Variants in NCKAP1L observed in about 807,000 individuals in gnomAD.
NCKAP1L encodes the protein NCK associated protein 1 like, also known as nck-associated protein 1-like.
A neutral mutation model predicts 139.2 loss-of-function variants in NCKAP1L; 53 were observed. The observed-to-expected ratio is 0.38, with a 90% CI of 0.31 to 0.48. The LOEUF is 0.48. Ranked by LOEUF, NCKAP1L falls within the 20% of genes least tolerant of loss-of-function variation. The probability of loss-of-function intolerance (pLI) is 0.98; values close to 1 mark genes in which losing one functional copy is unlikely to be tolerated. For synonymous variants in NCKAP1L, 468 were observed against 499.7 expected (o/e 0.94, Z 0.85); for missense variants, 1,151 against 1,381.9 (o/e 0.83, Z 2.65).
chr12:54,535,315 G>A (rs1957106181), intron 27 of NCKAP1L, 118 bp downstream of exon 27: 3 of 715,290 alleles, frequency 4.2e-6, no homozygotes, highest in African/African-American at 3.6e-5. Flanking sequence ...GAGGATATAA[G>A]CTGGGAGTGA....
At chr12:54,509,632 G>A (rs1442428750) in intron 5 of NCKAP1L, 37 bp from the exon 6 acceptor site, 1 of 1,429,100 alleles carries the variant, frequency 7.0e-7, no homozygotes, top group African/African-American at 1.4e-5. Flanking sequence ...TCATGGGTAA[G>A]GGAGGGCTGT....
At chr12:54,541,677 G>T (rs757692798) in intron 30 of NCKAP1L, among the ~76,000 whole-genome samples, 1 of 152,192 alleles carries the variant, frequency 6.6e-6, no homozygotes. Flanking sequence ...AGAGAAACAC[G>T]TTAGAGTAGA....
chr12:54,514,357 TG>T (rs1452576430), intron 9 of NCKAP1L, among the ~76,000 whole-genome samples: 1 of 152,092 alleles, frequency 6.6e-6, no homozygotes, highest in Non-Finnish European at 1.5e-5. Flanking sequence ...GTTTTGCCCT[TG>T]TTGCCCAGGC....
In NCKAP1L at chr12:54,545,208, T is replaced by G. The variant is rs528393049; in HGVS notation, c.*2523T>G. On this transcript the variant is annotated 3_prime_UTR_variant, in exon 31 of 31. Coordinates refer to ENST00000293373, the MANE Select transcript of NCKAP1L (RefSeq NM_005337.5). ...TTGTAAACATATAATTATACACACA[T>G]ATTTCTCTACCACTTATACTTTTTC... 3 of 152,366 alleles carry G rather than the reference T, an allele frequency of 2.0e-5. No individual in the cohort carries two copies. Among genetic ancestry groups the G allele is most frequent in the Admixed American group, 1.3e-4 (2 of 15,304 alleles). The allele number at this position is 152,366 out of a possible 1,614,324, so 9.4% of individuals were successfully genotyped here.
Position 54,510,021 on chromosome 12 carries a change from C to G in NCKAP1L, c.735+36C>G, listed in dbSNP as rs1400695661. ...TTTTCCTTTTGTTAGTGGAAGCATT[C>G]TCTTTGCCAAGGCCATCATCTCTGT... On this transcript the variant is annotated intron_variant, in intron 7 of 30. Coordinates refer to ENST00000293373, the MANE Select transcript of NCKAP1L (RefSeq NM_005337.5). The G allele has an allele frequency of 4.3e-6, 7 of 1,611,316 alleles. No homozygotes were observed. The South Asian group carries it at 5.5e-5, about 13-fold the overall frequency.
rs11170958 is a variant in NCKAP1L at position 54,510,094 on chromosome 12, C to T, written c.735+109C>T. 7.3e-3 allele frequency: 9,940 copies of T among 1,357,748 alleles called. 47 individuals are homozygous for T. The highest frequency in any genetic ancestry group is 8.8e-3 in the Non-Finnish European group (8,739 of 992,358). The allele number at this position is 1,357,748 out of a possible 1,614,324, so 84.1% of individuals were successfully genotyped here. On this transcript the variant is annotated intron_variant, in intron 7 of 30. Transcript: ENST00000293373. Reference sequence around the variant, plus strand: ...TATCAGTACTAAAGAATGCTTTAGTCTTCTTCTAGGGTATGTCTCTAAGTT... The same window carrying T: ...TATCAGTACTAAAGAATGCTTTAGTTTTCTTCTAGGGTATGTCTCTAAGTT...
At chr12:54,508,021 C>T in intron 4 of NCKAP1L, 112 bp downstream of exon 4, 2 of 939,968 alleles carry the variant, frequency 2.1e-6, no homozygotes, top group Non-Finnish European at 3.4e-6. Context: ...GGAAGGATGG[C>T]TATTTTGTTT....
At chr12:54,501,919 C>G (rs146766613) in intron 3 of NCKAP1L, among the ~76,000 whole-genome samples, 27 of 152,290 alleles carry the variant, frequency 1.8e-4, no homozygotes, top group African/African-American at 6.0e-4. Flanking sequence ...GTTTTTTTGA[C>G]AGTAGCCATC....
Position 54,511,936 on chromosome 12 carries a change from T to A in NCKAP1L, c.785-13T>A, listed in dbSNP as rs1248859412. On this transcript the variant is annotated splice_polypyrimidine_tract_variant and intron_variant, in intron 8 of 30. Coordinates refer to ENST00000293373, the MANE Select transcript of NCKAP1L (RefSeq NM_005337.5). ...TCTAAAAGTCTTCCTCTGCACTGTT[T>A]TCCCACCTACAGTTGGGTTTCTTCT... The A allele has an allele frequency of 5.6e-6, 9 of 1,614,220 alleles. No homozygotes were observed. The highest frequency in any genetic ancestry group is 7.6e-6 in the Non-Finnish European group (9 of 1,180,028).
At chr12:54,540,166 T>C (rs1295684658) in intron 30 of NCKAP1L, among the ~76,000 whole-genome samples, 3 of 152,210 alleles carry the variant, frequency 2.0e-5, no homozygotes, top group African/African-American at 7.2e-5. Context: ...CTTGATTTAA[T>C]TAGTCATGTG....
At chr12:54,521,325 C>T (rs1565678482) in intron 18 of NCKAP1L, 87 bp downstream of exon 18, 6 of 1,550,630 alleles carry the variant, frequency 3.9e-6, no homozygotes, top group Non-Finnish European at 3.5e-6. Flanking sequence ...CTCTCAGATG[C>T]CAAGCTCAGT....
chr12:54,520,129 T>C (rs557493762), intron 16 of NCKAP1L, among the ~76,000 whole-genome samples: 1 of 152,344 alleles, frequency 6.6e-6, no homozygotes, highest in East Asian at 1.9e-4. Context: ...AAACACAATG[T>C]GTTGTCTCTG....
chr12:54,517,848 T>G lies in NCKAP1L; in HGVS notation c.1248T>G (p.Ser416=). The G allele has an allele frequency of 6.2e-7, 1 of 1,614,192 alleles. No homozygotes were observed. The highest frequency in any genetic ancestry group is 1.1e-5 in the South Asian group (1 of 91,076). ...ELLFLLEGIR[S]LVRRHIKVIQ... ...TTTTCTTGTTGGAGGGGATTAGGTC[T>G]CTGGTCCGAAGACACATCAAAGTGA... Residue 416 remains serine (S), a synonymous_variant, in exon 13 of 31, where the codon TCT becomes TCG. Transcript: ENST00000293373.
intron 30 of NCKAP1L, 81 bp from the exon 31 acceptor site, chr12:54,542,494 T>G: frequency 9.6e-7 from 1 of 1,039,660 alleles, no homozygotes; most frequent in Non-Finnish European, 1.5e-6. Context: ...TCAGAGGGCC[T>G]GGGAACTATG....
chr12:54,500,322 C>T (rs1469357595), intron 2 of NCKAP1L, among the ~76,000 whole-genome samples: 2 of 152,108 alleles, frequency 1.3e-5, no homozygotes, highest in African/African-American at 4.8e-5. Flanking sequence ...CGGGGTTTCA[C>T]CAGGTTGGCC....
chr12:54,531,570 T>C lies in NCKAP1L; in HGVS notation c.2684T>C (p.Leu895Pro), dbSNP rs766112383. The C allele has an allele frequency of 1.9e-6, 3 of 1,614,188 alleles. No individual in the cohort carries two copies. Among genetic ancestry groups the C allele is most frequent in the South Asian group, 2.2e-5 (2 of 91,088 alleles). The change falls in exon 24 of 31, where the codon CTG (leucine) becomes CCG (proline). Residue 895 changes from leucine (L) to proline (P), a missense_variant. By Grantham distance (98) the Leu-to-Pro change is moderately conservative. Transcript: ENST00000293373. ...FSKPDLMASL[L>P]PQLTGAENVL... ...AAGCCGGACTTGATGGCTTCCCTGCTGCCCCAGCTGACAGGTAAGCATCCT... is the reference window on the plus strand; with the variant it reads ...AAGCCGGACTTGATGGCTTCCCTGCCGCCCCAGCTGACAGGTAAGCATCCT...
intron 3 of NCKAP1L, among the ~76,000 whole-genome samples, chr12:54,506,857 TG>T (rs1956845470): frequency 7.2e-6 from 1 of 138,970 alleles, no homozygotes; most frequent in African/African-American, 2.7e-5. Context: ...TTTTTAGAAA[TG>T]AAAGTACCAA....
rs1328151263 is a variant in NCKAP1L at position 54,548,008 on chromosome 12, T to TA, written c.*5324dup. 6.6e-6 allele frequency: 1 copy of TA among 152,330 alleles called. No homozygotes were observed. The highest frequency in any genetic ancestry group is 2.4e-5 in the African/African-American group (1 of 41,474). The allele number at this position is 152,330 out of a possible 1,614,324, so 9.4% of individuals were successfully genotyped here. A position where few individuals can be genotyped will look rare whatever the true frequency, so the allele number is the denominator to read the frequency against. On this transcript the variant is annotated 3_prime_UTR_variant, in exon 31 of 31. Transcript: ENST00000293373. ...ACTTTCTGGGAGCTGGTTCTGCTGA[T>TA]ACTTCTGCTGAATCTAAATGCTGAC...
chr12:54,531,867 C>T lies in NCKAP1L; in HGVS notation c.2781+42C>T, dbSNP rs181978432. ...GGGTCTGTCACAGAGTCACAGATAC[C>T]TCTGTGGGTAGGGTTTGTATGATAA... On this transcript the variant is annotated intron_variant, in intron 25 of 30. Transcript: ENST00000293373. 2.8e-4 allele frequency: 409 copies of T among 1,442,454 alleles called. 1 individual carries two copies. In the African/African-American group the frequency reaches 4.9e-3, roughly 17 times the overall value. 89.4% of individuals were successfully genotyped at this position (1,442,454 alleles called of 1,614,324 possible). A position where few individuals can be genotyped will look rare whatever the true frequency, so the allele number is the denominator to read the frequency against.
Sources: gnomAD v4.1 joint callset for allele counts (sites outside exome capture counted in the v4.1 genomes callset) on GRCh38, gnomAD v4.1.1 for gene constraint, MANE v1.5 for transcripts, NCBI Gene and HGNC (gene_info 2026-07-23, HGNC 2026-07-21) for gene names.